Variants in CLVS2 observed in about 807,000 individuals in gnomAD.
CLVS2 encodes clavesin 2.
In CLVS2, 19 loss-of-function variants were observed where a neutral mutation model predicts 29.0. The observed-to-expected ratio is 0.66, with a 90% CI of 0.46 to 0.96. The LOEUF is 0.96. Among genes scored for constraint, CLVS2 ranks in the 40% least tolerant of loss-of-function variants. The pLI is 0.00. For synonymous variants in CLVS2, 161 were observed against 151.3 expected, an observed-to-expected ratio of 1.06 and a Z score of -0.47; for missense variants, 294 against 404.1, an observed-to-expected ratio of 0.73 and a Z score of 2.34.
At chr6:123,056,113 A>G (rs1319846518) in intron 5 of CLVS2, 87 bp downstream of exon 5, 10 of 877,524 alleles carry the variant, frequency 1.1e-5, no homozygotes, top group African/African-American at 1.0e-4. Flanking sequence ...GTTTTTCTGT[A>G]TACATTTTTC....
rs751918293 is a variant in CLVS2, at chr6:123,010,955, C to G, written c.390-30C>G. The G allele has an allele frequency of 1.4e-6, 2 of 1,383,544 alleles. 1 individual carries two copies. Among genetic ancestry groups the G allele is most frequent in the South Asian group, 3.7e-5 (2 of 53,496 alleles). 85.7% of individuals were successfully genotyped at this position (1,383,544 alleles called of 1,614,324 possible). On this transcript the variant is annotated intron_variant, in intron 2 of 5. Transcript: ENST00000275162. ...GCTTTTTGGAAAAGTGGTTGTCAGACCTAATTTAGTACTTTTCTGTCGCCG... is the reference window on the plus strand; with the variant it reads ...GCTTTTTGGAAAAGTGGTTGTCAGAGCTAATTTAGTACTTTTCTGTCGCCG...
intron 2 of CLVS2, among the ~76,000 whole-genome samples, chr6:123,008,051 G>T (rs1417300678): frequency 3.3e-5 from 5 of 152,178 alleles, no homozygotes; most frequent in Non-Finnish European, 7.4e-5. Context: ...AAGATCCTGT[G>T]TAGTACTGTT....
intron 2 of CLVS2, 35 bp from the exon 3 acceptor site, chr6:123,010,950 T>C (rs1441161188): frequency 1.5e-6 from 2 of 1,357,710 alleles, no homozygotes. Context: ...AAAGTGGTTG[T>C]CAGACCTAAT....
rs1189583694 is a variant in CLVS2, at chr6:123,068,748, A to G, written c.*4987A>G. The stretch of plus-strand genomic sequence containing the variant: ...TAATTTTTACTACTACAAACTACTT[A>G]TTTAGTACTACACGGCATTTACTAT... On this transcript the variant is annotated 3_prime_UTR_variant, in exon 6 of 6. Coordinates refer to ENST00000275162, the MANE Select transcript of CLVS2 (RefSeq NM_001010852.4). 1 of 151,748 alleles carries G rather than the reference A, an allele frequency of 6.6e-6. No individual in the cohort carries two copies. Among genetic ancestry groups the G allele is most frequent in the East Asian group, 1.9e-4 (1 of 5,192 alleles). The allele number at this position is 151,748 out of a possible 1,614,324, so 9.4% of individuals were successfully genotyped here.
intron 5 of CLVS2, 110 bp downstream of exon 5, chr6:123,056,136 A>G: frequency 1.4e-6 from 1 of 720,512 alleles, no homozygotes. Flanking sequence ...GTGGGATTTT[A>G]AAACTCTTTA....
chr6:123,007,615 A>T (rs1351442149), intron 2 of CLVS2, among the ~76,000 whole-genome samples: 1 of 152,100 alleles, frequency 6.6e-6, no homozygotes. Flanking sequence ...TATGTTTTTT[A>T]TGTGTTCTAG....
In CLVS2 at chr6:123,048,688, T is replaced by C; in HGVS notation, c.631T>C (p.Tyr211His). 1 of 1,613,588 alleles carries C rather than the reference T, an allele frequency of 6.2e-7. No individual in the cohort carries two copies. Among genetic ancestry groups the C allele is most frequent in the Non-Finnish European group, 8.5e-7 (1 of 1,179,586 alleles). The change falls in exon 4 of 6, where the codon TAC (tyrosine) becomes CAC (histidine). Residue 211 changes from tyrosine to histidine, a missense_variant. Transcript: ENST00000275162. ...TCAACCATGGTATATCCATGCCCTG[T>C]ACACCGTGATCCGGCCTTTCCTGAA... The part of the protein sequence containing the change: ...VNQPWYIHAL[Y>H]TVIRPFLKEK...
chr6:123,005,422 G>A (rs114400811), intron 2 of CLVS2, among the ~76,000 whole-genome samples: 1,561 of 152,236 alleles, frequency 0.01, 33 homozygotes, highest in African/African-American at 0.035. Flanking sequence ...GAAAACTGAG[G>A]GGTGGGGGAA....
chr6:123,042,224 TG>T (rs1447153946), intron 3 of CLVS2, among the ~76,000 whole-genome samples: 3 of 152,242 alleles, frequency 2.0e-5, no homozygotes, highest in Non-Finnish European at 4.4e-5. Context: ...TGATGTCTCC[TG>T]TAACAGGAAT....
chr6:122,998,541 C>T (rs13208320), intron 2 of CLVS2, among the ~76,000 whole-genome samples: 38,372 of 151,946 alleles, frequency 0.25, 5,206 homozygotes, highest in Non-Finnish European at 0.31. Flanking sequence ...CTCCTTCTTC[C>T]TAAAAAAATT....
intron 3 of CLVS2, 24 bp from the exon 4 acceptor site, chr6:123,048,598 G>A (rs970168425): frequency 1.7e-5 from 26 of 1,510,872 alleles, no homozygotes; most frequent in Non-Finnish European, 2.4e-5. Context: ...TATTTTGATT[G>A]TTTTTTTCTC....
At chr6:123,007,939 A>G (rs904830786) in intron 2 of CLVS2, among the ~76,000 whole-genome samples, 2 of 152,192 alleles carry the variant, frequency 1.3e-5, no homozygotes, top group African/African-American at 4.8e-5. Flanking sequence ...TGTAAATTAT[A>G]ACAGTTAAAA....
At chr6:123,012,663 G>C (rs1774766887) in intron 3 of CLVS2, among the ~76,000 whole-genome samples, 1 of 151,788 alleles carries the variant, frequency 6.6e-6, no homozygotes, top group African/African-American at 2.4e-5. Context: ...TTCTTTAAGT[G>C]CTACCTGTGA....
In CLVS2 at chr6:122,999,488, T is replaced by C. The variant is rs186788523; in HGVS notation, c.389+1322T>C. On this transcript the variant is annotated intron_variant, in intron 2 of 5. Transcript: ENST00000275162. Reference sequence around the variant, plus strand: ...GCCATTCAGAGGGAATGGAGTTTTGTTACTTACTTTGGCCAGTTATAGAGA... The same window carrying C: ...GCCATTCAGAGGGAATGGAGTTTTGCTACTTACTTTGGCCAGTTATAGAGA... Among the ~76,000 whole-genome samples the C allele has an allele frequency of 4.6e-5, 7 of 152,308 alleles. No homozygotes were observed. The East Asian group carries it at 1.4e-3, about 29-fold the overall frequency.
At position 123,071,275 on chromosome 6, in the gene CLVS2, T is replaced by A. The variant is rs1772943887; in HGVS notation, c.*7514T>A. ...TGAAAGAGTTTCTTGTTGTCTTAAT[T>A]TAAAAAATTTTGTTATTTATCTTCA... is the stretch of plus-strand genomic sequence containing the variant. On this transcript the variant is annotated 3_prime_UTR_variant, in exon 6 of 6. Transcript: ENST00000275162. 6.6e-6 allele frequency: 1 copy of A among 151,996 alleles called. No homozygotes were observed. Among genetic ancestry groups the A allele is most frequent in the Non-Finnish European group, 1.5e-5 (1 of 67,918 alleles). 9.4% of individuals were successfully genotyped at this position (151,996 alleles called of 1,614,324 possible).
chr6:123,053,880 G>C (rs78102424), intron 4 of CLVS2, among the ~76,000 whole-genome samples: 2,350 of 152,214 alleles, frequency 0.015, 67 homozygotes, highest in African/African-American at 0.054. Context: ...ATTCTAGTGC[G>C]CAGGTGGAGA....
At chr6:123,008,325 T>C (rs1582644101) in intron 2 of CLVS2, among the ~76,000 whole-genome samples, 1 of 152,182 alleles carries the variant, frequency 6.6e-6, no homozygotes, top group East Asian at 1.9e-4. Context: ...TCATTGCTGA[T>C]TTTGGGATTT....
At chr6:123,056,114 T>C in intron 5 of CLVS2, 88 bp downstream of exon 5, 1 of 854,116 alleles carries the variant, frequency 1.2e-6, no homozygotes, top group East Asian at 2.7e-5. Context: ...TTTTTCTGTA[T>C]ACATTTTTCT....
chr6:123,024,968 C>T (rs9375214), intron 3 of CLVS2, among the ~76,000 whole-genome samples: 3 of 151,544 alleles, frequency 2.0e-5, no homozygotes, highest in Admixed American at 6.6e-5. Context: ...TCCCAATATA[C>T]GCCTAGGATA....
Sources: allele counts gnomAD v4.1 joint callset (sites outside exome capture counted in the v4.1 genomes callset), GRCh38; gene constraint gnomAD v4.1.1; transcripts MANE v1.5; gene names NCBI Gene and HGNC (gene_info 2026-07-23, HGNC 2026-07-21).